Variants in MTMR7 observed in about 807,000 individuals in gnomAD.
MTMR7 encodes myotubularin related protein 7.
A neutral mutation model predicts 81.2 loss-of-function variants in MTMR7; 76 were observed. The observed-to-expected ratio is 0.94, with a 90% CI of 0.78 to 1.13. The LOEUF is 1.13. Among genes scored for constraint, MTMR7 ranks in the 50% most tolerant of loss-of-function variants. MTMR7 has a pLI of 0.00. For synonymous variants in MTMR7, 372 were observed against 289.8 expected, an observed-to-expected ratio of 1.28 and a Z score of -2.88; for missense variants, 1,044 against 820.0, an observed-to-expected ratio of 1.27 and a Z score of -3.34.
chr8:17,412,780 C>T (rs13266122), intron 1 of MTMR7, among the ~76,000 whole-genome samples: 35,635 of 152,100 alleles, frequency 0.23, 4,721 homozygotes, highest in South Asian at 0.29. Flanking sequence ...GATGAGGATG[C>T]TGACTGGGAA....
intron 3 of MTMR7, among the ~76,000 whole-genome samples, chr8:17,369,917 T>A (rs1055902114): frequency 1.3e-5 from 2 of 152,068 alleles, no homozygotes; most frequent in African/African-American, 2.4e-5. Context: ...AGTGCTGGGA[T>A]TACAGATGTG....
chr8:17,352,315 C>G (rs531546104), intron 4 of MTMR7, among the ~76,000 whole-genome samples: 18 of 152,216 alleles, frequency 1.2e-4, no homozygotes, highest in African/African-American at 4.3e-4. Flanking sequence ...TGATCCATAG[C>G]ATGGGTGCCA....
At chr8:17,353,321 G>A (rs575392044) in intron 4 of MTMR7, among the ~76,000 whole-genome samples, 25 of 152,274 alleles carry the variant, frequency 1.6e-4, no homozygotes, top group African/African-American at 5.3e-4. Flanking sequence ...TGGGTATAGA[G>A]TATCAGTTCT....
intron 1 of MTMR7, among the ~76,000 whole-genome samples, chr8:17,399,464 G>C (rs925667796): frequency 1.3e-5 from 2 of 151,978 alleles, no homozygotes; most frequent in African/African-American, 4.8e-5. Context: ...AAAACGCTGA[G>C]GAAAGAAATT....
intron 1 of MTMR7, among the ~76,000 whole-genome samples, chr8:17,383,380 G>A (rs1045144215): frequency 2.6e-5 from 4 of 152,106 alleles, no homozygotes; most frequent in African/African-American, 7.2e-5. Context: ...CAACTACTGC[G>A]CATCAGATAC....
intron 5 of MTMR7, among the ~76,000 whole-genome samples, chr8:17,345,350 C>T (rs932893822): frequency 1.3e-5 from 2 of 152,220 alleles, no homozygotes; most frequent in Non-Finnish European, 2.9e-5. Context: ...GAATGATGCA[C>T]GCAAGCTAAT....
At position 17,411,913 on chromosome 8, in the gene MTMR7, T is replaced by G. The variant is rs377228223; in HGVS notation, c.24+1356A>C. On this transcript the variant is annotated intron_variant, in intron 1 of 13. Transcript: ENST00000180173. ...CTATCACTTTTACAAACGGCTCCCT[T>G]CATCATGGAAGGAGGAAGAATGCCC... 2.6e-3 allele frequency among the ~76,000 whole-genome samples: 402 copies of G among 152,332 alleles called. 6 individuals carry two copies. The highest frequency in any genetic ancestry group is 9.0e-3 in the African/African-American group (374 of 41,566).
At chr8:17,305,986 A>C in intron 10 of MTMR7, 29 bp from the exon 11 acceptor site, 7 of 1,548,220 alleles carry the variant, frequency 4.5e-6, no homozygotes, top group Non-Finnish European at 6.2e-6. Context: ...GAGACTTTTT[A>C]AGGCAGATTT....
chr8:17,408,484 C>A (rs1310100966), intron 1 of MTMR7, among the ~76,000 whole-genome samples: 1 of 151,548 alleles, frequency 6.6e-6, no homozygotes. Flanking sequence ...AGCTCTTTGG[C>A]GACGTGATGA....
chr8:17,366,164 G>A (rs183348784), intron 3 of MTMR7, among the ~76,000 whole-genome samples: 12 of 152,228 alleles, frequency 7.9e-5, no homozygotes, highest in East Asian at 1.9e-4. Flanking sequence ...GGCTGCATCC[G>A]TATACAACCT....
intron 4 of MTMR7, among the ~76,000 whole-genome samples, chr8:17,353,504 G>A (rs1050479481): frequency 3.3e-5 from 5 of 152,110 alleles, no homozygotes; most frequent in African/African-American, 7.2e-5. Flanking sequence ...TGCCATTTTT[G>A]CAACAAGCTC....
chr8:17,311,793 G>C lies in MTMR7; in HGVS notation c.976-157C>G, dbSNP rs1047567734. ...TTTAGGGCCCCCCCTAATTAGGGCA[G>C]AGCCAGAGTGGCCTGGTGCTGGCAG... On this transcript the variant is annotated intron_variant, in intron 8 of 13. Transcript: ENST00000180173. 3.4e-6 allele frequency: 4 copies of C among 1,162,104 alleles called. No homozygotes were observed. The South Asian group carries it at 4.4e-5, about 13-fold the overall frequency. 72.0% of individuals were successfully genotyped at this position (1,162,104 alleles called of 1,614,324 possible). A position where few individuals can be genotyped will look rare whatever the true frequency, so the allele number is the denominator to read the frequency against.
chr8:17,405,208 G>A (rs1175059036), intron 1 of MTMR7, among the ~76,000 whole-genome samples: 3 of 152,114 alleles, frequency 2.0e-5, no homozygotes, highest in African/African-American at 7.2e-5. Context: ...AAATACTAGG[G>A]GATTCACTGT....
chr8:17,304,305 T>A, intron 12 of MTMR7, 74 bp downstream of exon 12: 1 of 1,532,692 alleles, frequency 6.5e-7, no homozygotes, highest in Non-Finnish European at 9.0e-7. Flanking sequence ...TCATACACTT[T>A]GACCTCTGAA....
At chr8:17,331,662 G>T (rs1479435873) in intron 6 of MTMR7, among the ~76,000 whole-genome samples, 2 of 152,180 alleles carry the variant, frequency 1.3e-5, no homozygotes, top group Non-Finnish European at 2.9e-5. Context: ...AATATCAGCA[G>T]AAACAGCTGT....
chr8:17,351,588 C>G (rs893079795), intron 4 of MTMR7, among the ~76,000 whole-genome samples: 1 of 152,234 alleles, frequency 6.6e-6, no homozygotes, highest in Non-Finnish European at 1.5e-5. Flanking sequence ...GCTCAACAAC[C>G]TGCGCCCAGT....
chr8:17,395,748 C>T (rs78514707), intron 1 of MTMR7, among the ~76,000 whole-genome samples: 5,987 of 152,200 alleles, frequency 0.039, 287 homozygotes, highest in African/African-American at 0.11. Context: ...CTATTCAAGT[C>T]CTTTGCCCAC....
intron 9 of MTMR7, among the ~76,000 whole-genome samples, chr8:17,310,392 A>G (rs1232075715): frequency 5.9e-5 from 9 of 152,200 alleles, no homozygotes; most frequent in African/African-American, 1.9e-4. Flanking sequence ...CCTTACAAAG[A>G]AATATGAACT....
chr8:17,310,255 C>G (rs1340622718), intron 9 of MTMR7, among the ~76,000 whole-genome samples: 1 of 152,108 alleles, frequency 6.6e-6, no homozygotes, highest in South Asian at 2.1e-4. Flanking sequence ...CCCTCCTTAA[C>G]CTCCCAAAAT....
Sources: gnomAD v4.1 joint callset for allele counts (sites outside exome capture counted in the v4.1 genomes callset) on GRCh38, gnomAD v4.1.1 for gene constraint, MANE v1.5 for transcripts, NCBI Gene and HGNC (gene_info 2026-07-23, HGNC 2026-07-21) for gene names.